The following CFAP46 variants were observed in gnomAD, a reference collection of about 807,000 sequenced individuals.
CFAP46 encodes the protein cilia and flagella associated protein 46, also known as cilia- and flagella-associated protein 46.
In CFAP46, 245 loss-of-function variants were observed where a neutral mutation model predicts 325.7. That is an observed-to-expected ratio of 0.75 (90% confidence interval 0.68 to 0.84). The LOEUF (loss-of-function observed/expected upper bound fraction) is 0.84. Ranked by LOEUF, CFAP46 falls within the 40% of genes least tolerant of loss-of-function variation. The pLI, the probability that CFAP46 is intolerant of heterozygous loss-of-function variation, is 0.00. For missense variants in CFAP46, 3,346 were observed against 3,543.0 expected (o/e 0.94, Z 1.41); for synonymous variants, 1,523 against 1,495.9 (o/e 1.02, Z -0.42).
intron 43 of CFAP46, among the ~76,000 whole-genome samples, chr10:132,846,724 G>A (rs536552995): frequency 3.3e-5 from 5 of 152,360 alleles, no homozygotes; most frequent in South Asian, 4.1e-4. Flanking sequence ...ATGTCTGCCC[G>A]ATGCAGGGGA....
chr10:132,899,763 G>T, intron 22 of CFAP46, 97 bp from the exon 23 acceptor site: 1 of 1,343,466 alleles, frequency 7.4e-7, no homozygotes, highest in Non-Finnish European at 9.8e-7. Context: ...TACACAGGTG[G>T]TATTCTAAGA....
At chr10:132,916,273 C>T (rs574053465) in intron 17 of CFAP46, among the ~76,000 whole-genome samples, 8 of 152,316 alleles carry the variant, frequency 5.3e-5, no homozygotes, top group African/African-American at 1.4e-4. Context: ...CACTACAGGA[C>T]GCTGGAAAAG....
At chr10:132,921,309 GC>G (rs931445434) in intron 13 of CFAP46, among the ~76,000 whole-genome samples, 1 of 152,230 alleles carries the variant, frequency 6.6e-6, no homozygotes, top group African/African-American at 2.4e-5. Flanking sequence ...GCCCAGCCTG[GC>G]CCCTGCACTG....
In CFAP46 at chr10:132,913,069, G is replaced by A. The variant is rs529031041; in HGVS notation, c.2310C>T (p.Ile770=). The part of the protein sequence containing the change: ...LVDALYHLLS[I]VKATGHSGDP... ...ACCCACTGTGGCCTGTGGCCTTAACGATGCTCAGGAGGTGGTACAGGGCGT... is the reference window on the plus strand; with the variant it reads ...ACCCACTGTGGCCTGTGGCCTTAACAATGCTCAGGAGGTGGTACAGGGCGT... The change falls in exon 18 of 58, where the codon ATC becomes ATT. Residue 770 remains isoleucine (I), a synonymous_variant. Coordinates refer to ENST00000368586, the MANE Select transcript of CFAP46 (RefSeq NM_001200049.3). 452 of 1,550,198 alleles carry A rather than the reference G, an allele frequency of 2.9e-4. 1 individual carries two copies. In the East Asian group the frequency reaches 7.7e-3, roughly 26 times the overall value.
chr10:132,895,782 C>A (rs74553710), intron 24 of CFAP46, among the ~76,000 whole-genome samples: 1 of 152,158 alleles, frequency 6.6e-6, no homozygotes, highest in South Asian at 2.1e-4. Flanking sequence ...TGGTATTTGG[C>A]GACAGGGCCT....
chr10:132,837,398 T>C (rs1223717283), intron 44 of CFAP46, among the ~76,000 whole-genome samples: 1 of 150,066 alleles, frequency 6.7e-6, no homozygotes, highest in African/African-American at 2.5e-5. Context: ...CACGTGTACA[T>C]GGACCCAGAC....
Position 132,909,261 on chromosome 10 carries a change from CCT to C in CFAP46, c.2650-19_2650-18del, listed in dbSNP as rs750132331. 73 of 1,536,664 alleles carry C rather than the reference CCT, an allele frequency of 4.8e-5. No individual in the cohort carries two copies. Among genetic ancestry groups the C allele is most frequent in the South Asian group, 3.9e-4 (33 of 83,770 alleles). ...ATTGGTGCCCTGGTGGGGAGGATGCCCTGAGTGTATCAGCCCAAGCGTGCGGG... is the reference window on the plus strand; with the variant it reads ...ATTGGTGCCCTGGTGGGGAGGATGCCGAGTGTATCAGCCCAAGCGTGCGGG... On this transcript the variant is annotated intron_variant, in intron 20 of 57. Coordinates refer to ENST00000368586, the MANE Select transcript of CFAP46 (RefSeq NM_001200049.3).
rs1444172798 is a variant in CFAP46, at chr10:132,925,761, C to T, written c.1065+807G>A. Among the ~76,000 whole-genome samples, 3 of 152,250 alleles carry T rather than the reference C, an allele frequency of 2.0e-5. No homozygotes were observed. In the East Asian group the frequency reaches 5.8e-4, roughly 29 times the overall value. On this transcript the variant is annotated intron_variant, in intron 10 of 57. Coordinates refer to ENST00000368586, the MANE Select transcript of CFAP46 (RefSeq NM_001200049.3). ...ACCCGCCGGGCTGTGACACGTGTGC[C>T]AGGCAGTGCGGGCTGAGGATGGATG...
Position 132,808,655 on chromosome 10 carries a change from GC to G in CFAP46, c.7913del (p.Gly2638AlafsTer62). 6.3e-7 allele frequency: 1 copy of G among 1,595,540 alleles called. No homozygotes were observed. The highest frequency in any genetic ancestry group is 8.5e-7 in the Non-Finnish European group (1 of 1,170,878). On this transcript the variant is annotated frameshift_variant, in exon 58 of 58. Transcript: ENST00000368586. LOFTEE classifies it low-confidence loss of function (END_TRUNC). The surrounding 1 kb of genome is among the most constrained non-coding windows in gnomAD (Gnocchi z 6.8). ...PSSQLALPFL[G>X]LSPALGAASA... ...AGGCTGCACCAAGGGCTGGGGAGAGGCCCAGGAAGGGGAGAGCGAGCTGGGA... is the reference window on the plus strand; with the variant it reads ...AGGCTGCACCAAGGGCTGGGGAGAGGCCAGGAAGGGGAGAGCGAGCTGGGA...
At chr10:132,935,689 C>A (rs1849988876) in intron 7 of CFAP46, among the ~76,000 whole-genome samples, 1 of 124,868 alleles carries the variant, frequency 8.0e-6, no homozygotes, top group African/African-American at 3.3e-5. Context: ...ACTCCCCTCA[C>A]ATCCAAACAC....
chr10:132,829,753 T>C (rs1381428020), intron 50 of CFAP46, among the ~76,000 whole-genome samples: 1 of 152,278 alleles, frequency 6.6e-6, no homozygotes, highest in Non-Finnish European at 1.5e-5. Context: ...TTTTGTCAAA[T>C]GCTTTTCTGC....
chr10:132,875,782 CAG>C (rs1365256290), intron 31 of CFAP46, among the ~76,000 whole-genome samples: 2 of 152,116 alleles, frequency 1.3e-5, no homozygotes, highest in Non-Finnish European at 2.9e-5. Flanking sequence ...AATACTATAA[CAG>C]AATATCTGTA....
intron 2 of CFAP46, 90 bp downstream of exon 2, chr10:132,941,890 C>A: frequency 6.6e-7 from 1 of 1,522,574 alleles, no homozygotes; most frequent in Non-Finnish European, 8.8e-7. Flanking sequence ...GCTGCCTCTC[C>A]CCAGCCCCAC....
chr10:132,872,610 T>A (rs1379511522), intron 32 of CFAP46, 66 bp downstream of exon 32: 2 of 1,526,566 alleles, frequency 1.3e-6, no homozygotes, highest in East Asian at 4.9e-5. Flanking sequence ...AATTAATACC[T>A]TAACATGTTG....
chr10:132,868,162 G>A (rs1015240416), intron 33 of CFAP46, among the ~76,000 whole-genome samples: 2 of 152,256 alleles, frequency 1.3e-5, no homozygotes, highest in African/African-American at 2.4e-5. Flanking sequence ...CCCCGGCCAC[G>A]CGCGTTCCAA....
intron 44 of CFAP46, chr10:132,837,118 A>C (rs1848264772): frequency 3.9e-6 from 2 of 511,256 alleles, no homozygotes; most frequent in South Asian, 2.9e-5. Context: ...GGCACGCAAG[A>C]GTCACCGGCG....
rs755663086 is a variant in CFAP46 at position 132,814,865 on chromosome 10, G to C, written c.7167C>G (p.Ser2389Arg). 1 of 1,614,182 alleles carries C rather than the reference G, an allele frequency of 6.2e-7. No homozygotes were observed. ...EGRSRDPKKR[S>R]LAKKGRKGSI... ...CCACCTTCCTGCCCTTCTTCGCTAGGCTTCTCTTTTTGGGGTCTCTGCTTC... is the reference window on the plus strand; with the variant it reads ...CCACCTTCCTGCCCTTCTTCGCTAGCCTTCTCTTTTTGGGGTCTCTGCTTC... The change falls in exon 51 of 58, where the codon AGC (serine) becomes AGG (arginine). Residue 2389 changes from serine to arginine, a missense_variant. Transcript: ENST00000368586.
chr10:132,922,148 G>T lies in CFAP46; in HGVS notation c.1562C>A (p.Pro521His). 1 of 1,550,426 alleles carries T rather than the reference G, an allele frequency of 6.4e-7. No individual in the cohort carries two copies. The highest frequency in any genetic ancestry group is 8.7e-7 in the Non-Finnish European group (1 of 1,146,964). The change falls in exon 13 of 58, where the codon CCT (proline) becomes CAT (histidine). Residue 521 changes from proline (P) to histidine (H), a missense_variant. Coordinates refer to ENST00000368586, the MANE Select transcript of CFAP46 (RefSeq NM_001200049.3). ...GTCCAGCACAATCTGAAACGCGTCAGGGGCTAAGGCCAGGCCTGCATTCAC... is the reference window on the plus strand; with the variant it reads ...GTCCAGCACAATCTGAAACGCGTCATGGGCTAAGGCCAGGCCTGCATTCAC... ...LLVNAGLALA[P>H]DAFQIVLDSE...
chr10:132,821,488 A>G (rs1385095872), intron 50 of CFAP46, among the ~76,000 whole-genome samples: 1 of 89,500 alleles, frequency 1.1e-5, no homozygotes, highest in African/African-American at 4.9e-5. Context: ...GTGCTGTGTG[A>G]GTGCTGATGT....
Sources: allele counts gnomAD v4.1 joint callset (sites outside exome capture counted in the v4.1 genomes callset), GRCh38; gene constraint gnomAD v4.1.1; non-coding constraint Gnocchi (gnomAD v3.1); transcripts MANE v1.5; gene names NCBI Gene and HGNC (gene_info 2026-07-23, HGNC 2026-07-21).